Variants in CAPRIN1 observed in about 807,000 individuals in gnomAD.
CAPRIN1 encodes caprin-1.
CAPRIN1 carries 29 observed loss-of-function variants against 100.9 expected under a neutral mutation model. The observed-to-expected ratio is 0.29, with a 90% confidence interval of 0.21 to 0.39. CAPRIN1 has a LOEUF of 0.39. Among genes scored for constraint, CAPRIN1 ranks in the 10% least tolerant of loss-of-function variants. The pLI is 1.00. For missense variants in CAPRIN1, 795 were observed against 876.7 expected (o/e 0.91, Z 1.18); for synonymous variants, 338 against 307.5 (o/e 1.10, Z -1.04).
chr11:34,057,460 T>C (rs1270604467), intron 2 of CAPRIN1, among the ~76,000 whole-genome samples: 1 of 152,198 alleles, frequency 6.6e-6, no homozygotes, highest in African/African-American at 2.4e-5. Flanking sequence ...ATACTACCCA[T>C]GTGGCAGATA....
intron 18 of CAPRIN1, chr11:34,099,063 A>G (rs1851414672): frequency 7.2e-7 from 1 of 1,388,448 alleles, no homozygotes; most frequent in African/African-American, 1.5e-5. Context: ...TGAATGAATG[A>G]ATGAGTACTG....
chr11:34,089,831 T>C (rs1172777480), intron 12 of CAPRIN1, among the ~76,000 whole-genome samples: 2 of 151,712 alleles, frequency 1.3e-5, no homozygotes, highest in African/African-American at 4.9e-5. Context: ...TTTTAAATAA[T>C]GTATTATAAT....
At chr11:34,052,690 C>T (rs1184151910) in intron 2 of CAPRIN1, 54 bp downstream of exon 2, 8 of 1,523,756 alleles carry the variant, frequency 5.3e-6, no homozygotes, top group South Asian at 1.2e-5. Flanking sequence ...CTCTGCGGCC[C>T]CTCCGACCCT....
At chr11:34,061,734 G>A (rs1389099456) in intron 2 of CAPRIN1, among the ~76,000 whole-genome samples, 1 of 151,938 alleles carries the variant, frequency 6.6e-6, no homozygotes, top group East Asian at 1.9e-4. Context: ...CTTTTGGGAG[G>A]CTGAGGCGGG....
chr11:34,054,881 A>G (rs932579406), intron 2 of CAPRIN1, among the ~76,000 whole-genome samples: 2 of 152,210 alleles, frequency 1.3e-5, no homozygotes, highest in Non-Finnish European at 2.9e-5. Flanking sequence ...AATACTAATT[A>G]TGAACATTAA....
intron 2 of CAPRIN1, among the ~76,000 whole-genome samples, chr11:34,061,200 C>CTTTTT (rs770158492): frequency 3.0e-4 from 31 of 102,798 alleles, no homozygotes; most frequent in Non-Finnish European, 3.6e-4. Context: ...AGGTAACATC[C>CTTTTT]TTTTTTTTTT....
At chr11:34,052,707 T>A in intron 2 of CAPRIN1, 71 bp downstream of exon 2, 1 of 1,488,910 alleles carries the variant, frequency 6.7e-7, no homozygotes. Flanking sequence ...CCCTGGTCGC[T>A]GGAGCCTTCG....
At chr11:34,071,834 T>C in intron 3 of CAPRIN1, 46 bp downstream of exon 3, 1 of 1,586,358 alleles carries the variant, frequency 6.3e-7, no homozygotes, top group Non-Finnish European at 8.6e-7. Flanking sequence ...CTCACTATTT[T>C]AAAGACAAAA....
chr11:34,097,644 G>T, intron 17 of CAPRIN1, 54 bp from the exon 18 acceptor site: 2 of 1,602,590 alleles, frequency 1.2e-6, no homozygotes, highest in South Asian at 2.2e-5. Context: ...AAGAATAGAT[G>T]GGTAAGCATT....
chr11:34,066,198 A>G (rs1850688625), intron 2 of CAPRIN1, among the ~76,000 whole-genome samples: 1 of 151,344 alleles, frequency 6.6e-6, no homozygotes, highest in South Asian at 2.1e-4. Context: ...CTGGTCTTGA[A>G]CTCCTACTCT....
At chr11:34,087,172 T>C (rs1334503462) in intron 11 of CAPRIN1, among the ~76,000 whole-genome samples, 1 of 152,182 alleles carries the variant, frequency 6.6e-6, no homozygotes, top group Non-Finnish European at 1.5e-5. Context: ...TCAGTTTTAG[T>C]TGCACAAAAG....
chr11:34,073,323 GGGGCTGAT>G (rs1418238733), intron 4 of CAPRIN1, among the ~76,000 whole-genome samples: 2 of 152,150 alleles, frequency 1.3e-5, no homozygotes, highest in African/African-American at 4.8e-5. Context: ...GGATAGAAAG[GGGGCTGAT>G]GGGCAGAGGC....
rs889303170 is a variant in CAPRIN1, at chr11:34,079,636, C to G, written c.697C>G (p.Leu233Val). ...KPVCGTTYKV[L>V]KEIVERVFQS... Reference sequence around the variant, plus strand: ...CATGTTCTTTTTCTTAGATAAAGTTCTAAAGGAAATTGTTGAGCGTGTTTT... The same window carrying G: ...CATGTTCTTTTTCTTAGATAAAGTTGTAAAGGAAATTGTTGAGCGTGTTTT... Residue 233 changes from leucine (L) to valine (V), a missense_variant, in exon 7 of 19, where the codon CTA becomes GTA. By Grantham distance (32) the Leu-to-Val change is conservative (BLOSUM62 1). Around this residue, in one of 3 missense-constraint regions of CAPRIN1, gnomAD observed 648 missense variants for 697.9 expected, o/e 0.93. Transcript: ENST00000341394. The G allele has an allele frequency of 6.2e-7, 1 of 1,613,454 alleles. No individual in the cohort carries two copies.
chr11:34,073,541 C>T (rs986283873), intron 4 of CAPRIN1, among the ~76,000 whole-genome samples: 2 of 152,116 alleles, frequency 1.3e-5, no homozygotes, highest in Non-Finnish European at 2.9e-5. Flanking sequence ...CTGCAACCTC[C>T]GCCTCCTGAG....
chr11:34,060,389 G>C (rs932670954), intron 2 of CAPRIN1, among the ~76,000 whole-genome samples: 1 of 151,926 alleles, frequency 6.6e-6, no homozygotes, highest in Non-Finnish European at 1.5e-5. Flanking sequence ...ACCCAGGCTG[G>C]AGTTCAGCAG....
intron 6 of CAPRIN1, among the ~76,000 whole-genome samples, chr11:34,079,405 C>G (rs541057023): frequency 4.6e-5 from 7 of 152,076 alleles, no homozygotes. Context: ...ATCTCAAAAA[C>G]AAACAAACAA....
At position 34,074,695 on chromosome 11, in the gene CAPRIN1, C is replaced by T. The variant is rs138610960; in HGVS notation, c.367-1541C>T. 5.9e-5 allele frequency among the ~76,000 whole-genome samples: 9 copies of T among 152,292 alleles called. No individual in the cohort carries two copies. The East Asian group carries it at 1.7e-3, about 29-fold the overall frequency. ...GTCAGAAGTTCGAGACCAGCCTGGC[C>T]AACATAGTGAAACCCTGTCTCTGCT... On this transcript the variant is annotated intron_variant, in intron 4 of 18. Transcript: ENST00000341394.
intron 7 of CAPRIN1, among the ~76,000 whole-genome samples, chr11:34,080,310 T>A (rs942549635): frequency 6.6e-6 from 1 of 152,222 alleles, no homozygotes; most frequent in Non-Finnish European, 1.5e-5. Context: ...TTACTAGTCT[T>A]GATCACTATT....
chr11:34,071,162 A>G (rs1290052489), intron 2 of CAPRIN1, among the ~76,000 whole-genome samples: 2 of 152,268 alleles, frequency 1.3e-5, no homozygotes, highest in Non-Finnish European at 1.5e-5. Flanking sequence ...TGCCTAGTCC[A>G]TCTAATACTC....
Sources: gnomAD v4.1 joint callset for allele counts (sites outside exome capture counted in the v4.1 genomes callset) on GRCh38, gnomAD v4.1.1 for gene constraint, gnomAD v4.1.1 regional missense constraint, MANE v1.5 for transcripts, NCBI Gene and HGNC (gene_info 2026-07-23, HGNC 2026-07-21) for gene names.